NUDCD3: variants seen among roughly 807,000 people sequenced by gnomAD.
NUDCD3 encodes the protein NudC domain containing 3.
Under a neutral mutation model 39.7 loss-of-function variants are expected in NUDCD3, and 13 were observed. That is an observed-to-expected ratio of 0.33 (90% CI 0.21 to 0.52). The LOEUF (loss-of-function observed/expected upper bound fraction) is 0.52, where lower values mean the gene tolerates loss of function less well. Ranked by LOEUF, NUDCD3 falls within the 20% of genes least tolerant of loss-of-function variation. The pLI, the probability that NUDCD3 is intolerant of heterozygous loss-of-function variation, is 0.96. For missense variants in NUDCD3, 453 were observed against 458.1 expected (o/e 0.99, Z 0.10); for synonymous variants, 175 against 172.4 (o/e 1.02, Z -0.12).
chr7:44,470,984 A>G (rs1052033309), intron 2 of NUDCD3, among the ~76,000 whole-genome samples: 4 of 152,262 alleles, frequency 2.6e-5, no homozygotes, highest in Non-Finnish European at 4.4e-5. Flanking sequence ...ATCATCTTCA[A>G]TGTGACTTTT....
In NUDCD3 at chr7:44,379,242, C is replaced by G. The variant is rs1257554918; in HGVS notation, c.*6769G>C. 1.3e-5 allele frequency: 2 copies of G among 149,820 alleles called. No individual in the cohort carries two copies. The highest frequency in any genetic ancestry group is 3.0e-5 in the Non-Finnish European group (2 of 67,740). The allele number at this position is 149,820 out of a possible 1,614,324, so 9.3% of individuals were successfully genotyped here. A position where few individuals can be genotyped will look rare whatever the true frequency, so the allele number is the denominator to read the frequency against. On this transcript the variant is annotated 3_prime_UTR_variant, in exon 6 of 6. Transcript: ENST00000355451. ...CTGAAGCAGGAGGATCACTTGAGCCCAGAGGTTTGAGTCCAGTCTGGGCAA... is the reference window on the plus strand; with the variant it reads ...CTGAAGCAGGAGGATCACTTGAGCCGAGAGGTTTGAGTCCAGTCTGGGCAA...
chr7:44,490,561 A>G lies in NUDCD3; in HGVS notation c.40T>C (p.Leu14=), dbSNP rs2116993587. ...GAAELYDQAL[L]GILQHVGNVQ... The stretch of plus-strand genomic sequence containing the variant: ...TTGCCCACGTGCTGCAGGATGCCCA[A>G]AAGGGCCTGGTCATACAGCTCGGCC... Residue 14 remains leucine (L), a synonymous_variant, in exon 1 of 6, where the codon TTG becomes CTG. Coordinates refer to ENST00000355451, the MANE Select transcript of NUDCD3 (RefSeq NM_015332.4). The G allele has an allele frequency of 6.2e-7, 1 of 1,612,126 alleles. No individual in the cohort carries two copies. The highest frequency in any genetic ancestry group is 8.5e-7 in the Non-Finnish European group (1 of 1,179,176).
chr7:44,478,092 T>C (rs1376451139), intron 2 of NUDCD3, among the ~76,000 whole-genome samples: 1 of 152,160 alleles, frequency 6.6e-6, no homozygotes, highest in Non-Finnish European at 1.5e-5. Context: ...CCTCGGCCTC[T>C]AACAGTGCTG....
At chr7:44,390,287 C>T (rs1183917501) in intron 5 of NUDCD3, among the ~76,000 whole-genome samples, 1 of 152,168 alleles carries the variant, frequency 6.6e-6, no homozygotes, top group African/African-American at 2.4e-5. Context: ...CCGCTTGAAC[C>T]TGGGAGGCGG....
At chr7:44,442,347 G>A (rs1799601390) in intron 2 of NUDCD3, among the ~76,000 whole-genome samples, 1 of 152,202 alleles carries the variant, frequency 6.6e-6, no homozygotes, top group Non-Finnish European at 1.5e-5. Flanking sequence ...AAAGGTCAAT[G>A]CACAGCTGCC....
intron 2 of NUDCD3, among the ~76,000 whole-genome samples, chr7:44,462,945 CTGTGTGTGTGTGTGTGTG>C (rs3138779): frequency 1.1e-4 from 16 of 146,792 alleles, no homozygotes; most frequent in East Asian, 6.1e-4. Flanking sequence ...CACAACCAGG[CTGTGTGTGTGTGTGTGTG>C]TGTGTGTGTG....
chr7:44,393,344 AGACAACT>A (rs1798555521), intron 4 of NUDCD3, among the ~76,000 whole-genome samples: 1 of 152,192 alleles, frequency 6.6e-6, no homozygotes, highest in Non-Finnish European at 1.5e-5. Context: ...AAAACTTAAA[AGACAACT>A]GGAACTGCAG....
At chr7:44,401,685 C>T (rs1360068139) in intron 4 of NUDCD3, among the ~76,000 whole-genome samples, 1 of 152,162 alleles carries the variant, frequency 6.6e-6, no homozygotes, top group East Asian at 1.9e-4. Context: ...GCCGTGTTCA[C>T]GGGCAGTGAC....
At chr7:44,461,274 T>C (rs6949216) in intron 2 of NUDCD3, among the ~76,000 whole-genome samples, 1,653 of 152,284 alleles carry the variant, frequency 0.011, 29 homozygotes, top group African/African-American at 0.038. Context: ...TCACATGGGA[T>C]TGCAACAGTT....
intron 1 of NUDCD3, among the ~76,000 whole-genome samples, chr7:44,489,511 G>A (rs557904684): frequency 4.6e-4 from 70 of 152,228 alleles, no homozygotes; most frequent in Non-Finnish European, 9.0e-4. Context: ...GAGAACTGAG[G>A]GAGGTATCAT....
At chr7:44,447,340 GT>G (rs1799707138) in intron 2 of NUDCD3, among the ~76,000 whole-genome samples, 2 of 152,204 alleles carry the variant, frequency 1.3e-5, no homozygotes, top group Non-Finnish European at 2.9e-5. Flanking sequence ...TCTGTAGAAA[GT>G]TTCCGTATGT....
chr7:44,413,491 C>G (rs967226475), intron 3 of NUDCD3, among the ~76,000 whole-genome samples: 3 of 152,136 alleles, frequency 2.0e-5, no homozygotes, highest in East Asian at 1.9e-4. Context: ...AGAAAAAGTA[C>G]AGCAACCTAA....
chr7:44,388,894 A>C (rs953878463), intron 5 of NUDCD3, among the ~76,000 whole-genome samples: 1 of 152,254 alleles, frequency 6.6e-6, no homozygotes, highest in Non-Finnish European at 1.5e-5. Context: ...ATTTAGATTC[A>C]ACACACAGAG....
At chr7:44,397,655 G>A (rs1221072325) in intron 4 of NUDCD3, among the ~76,000 whole-genome samples, 4 of 152,046 alleles carry the variant, frequency 2.6e-5, no homozygotes, top group South Asian at 2.1e-4. Context: ...ACTAGAATAA[G>A]TACAAAGACA....
Position 44,444,839 on chromosome 7 carries a change from C to T in NUDCD3, c.510-17136G>A, listed in dbSNP as rs138931058. Among the ~76,000 whole-genome samples, 184 of 152,326 alleles carry T rather than the reference C, an allele frequency of 1.2e-3. 1 individual carries two copies. The highest frequency in any genetic ancestry group is 4.0e-3 in the African/African-American group (167 of 41,578). ...ACTCACAACTCTTCTTTCAACCAGC[C>T]TTCTGTTCAGGCTGCTGCCTTCTTC... On this transcript the variant is annotated intron_variant, in intron 2 of 5. Transcript: ENST00000355451.
chr7:44,464,357 GT>G (rs1563185060), intron 2 of NUDCD3, among the ~76,000 whole-genome samples: 1 of 152,054 alleles, frequency 6.6e-6, no homozygotes, highest in African/African-American at 2.4e-5. Flanking sequence ...GTTAAATTAC[GT>G]TTTTTTCATT....
chr7:44,458,994 A>C (rs1306890639), intron 2 of NUDCD3, among the ~76,000 whole-genome samples: 1 of 142,322 alleles, frequency 7.0e-6, no homozygotes, highest in Non-Finnish European at 1.6e-5. Flanking sequence ...ATGTGTATGC[A>C]TACATACAAG....
chr7:44,411,612 AACAAAACC>A (rs1232861532), intron 3 of NUDCD3, among the ~76,000 whole-genome samples: 4 of 152,356 alleles, frequency 2.6e-5, no homozygotes, highest in African/African-American at 9.6e-5. Context: ...ACAATTAAAA[AACAAAACC>A]AAAACAGACA....
rs1457401325 is a variant in NUDCD3, at chr7:44,384,144, T to C, written c.*1867A>G. ...GTGTAGGGCATCTCACACCACTGCA[T>C]CACTTCTGGAAGACTACCCACAGGG... On this transcript the variant is annotated 3_prime_UTR_variant, in exon 6 of 6. Coordinates refer to ENST00000355451, the MANE Select transcript of NUDCD3 (RefSeq NM_015332.4). 6.6e-6 allele frequency: 1 copy of C among 152,128 alleles called. No individual in the cohort carries two copies. The highest frequency in any genetic ancestry group is 1.5e-5 in the Non-Finnish European group (1 of 68,038). The allele number at this position is 152,128 out of a possible 1,614,324, so 9.4% of individuals were successfully genotyped here.
Sources: allele counts gnomAD v4.1 joint callset (sites outside exome capture counted in the v4.1 genomes callset), GRCh38; gene constraint gnomAD v4.1.1; transcripts MANE v1.5; gene names NCBI Gene and HGNC (gene_info 2026-07-23, HGNC 2026-07-21).